AUTS2: variants seen among roughly 807,000 people sequenced by gnomAD.
The protein encoded by AUTS2 is autism susceptibility gene 2 protein.
In AUTS2, 17 loss-of-function variants were observed where a neutral mutation model predicts 112.4. The ratio of observed to expected loss-of-function variants is 0.15; its 90% CI spans 0.10 to 0.23. The LOEUF (loss-of-function observed/expected upper bound fraction) is 0.23. Among genes scored for constraint, AUTS2 ranks in the 10% least tolerant of loss-of-function variants. The probability of loss-of-function intolerance (pLI) is 1.00; values close to 1 mark genes in which losing one functional copy is unlikely to be tolerated. For missense variants in AUTS2, 1,510 were observed against 1,701.6 expected, an observed-to-expected ratio of 0.89 and a Z score of 1.98; for synonymous variants, 751 against 702.7, an observed-to-expected ratio of 1.07 and a Z score of -1.09.
At chr7:70,249,918 TTA>T (rs1455714072) in intron 4 of AUTS2, among the ~76,000 whole-genome samples, 1 of 148,376 alleles carries the variant, frequency 6.7e-6, no homozygotes, top group African/African-American at 2.4e-5. Context: ...AAATTTTATT[TTA>T]CTTTTAAAAT....
intron 2 of AUTS2, among the ~76,000 whole-genome samples, chr7:69,926,971 T>C (rs1191558507): frequency 6.8e-6 from 1 of 146,846 alleles, no homozygotes; most frequent in Non-Finnish European, 1.5e-5. Flanking sequence ...ATATATTATA[T>C]ATATACAGTA....
At chr7:70,606,678 G>A (rs1167077248) in intron 5 of AUTS2, among the ~76,000 whole-genome samples, 3 of 151,938 alleles carry the variant, frequency 2.0e-5, no homozygotes, top group African/African-American at 7.3e-5. Flanking sequence ...CTCATCAAAA[G>A]TGGTGAAACC....
rs141474396 is a variant in AUTS2, at chr7:70,672,604, CT to C, written c.691-25956del. 2.7e-3 allele frequency among the ~76,000 whole-genome samples: 404 copies of C among 151,372 alleles called. 4 individuals carry two copies. The highest frequency in any genetic ancestry group is 9.2e-3 in the African/African-American group (379 of 41,244). ...AGGGTAGGACACATGATTTCTTTTT[CT>C]TTTTTTTTCTTTTTTTGAGACGGAA... On this transcript the variant is annotated intron_variant, in intron 5 of 18. Coordinates refer to ENST00000342771, the MANE Select transcript of AUTS2 (RefSeq NM_015570.4).
chr7:69,977,393 C>G (rs60919697), intron 2 of AUTS2, among the ~76,000 whole-genome samples: 5 of 151,996 alleles, frequency 3.3e-5, no homozygotes, highest in African/African-American at 1.2e-4. Flanking sequence ...TAACTTTGTT[C>G]TTTTTCTAAA....
chr7:70,763,743 TAAAGA>T (rs1404916569), intron 7 of AUTS2, among the ~76,000 whole-genome samples: 1 of 152,026 alleles, frequency 6.6e-6, no homozygotes, highest in Non-Finnish European at 1.5e-5. Flanking sequence ...GAAGAAGTGT[TAAAGA>T]AAACTCGTCT....
intron 2 of AUTS2, among the ~76,000 whole-genome samples, chr7:70,060,591 A>G (rs1023249023): frequency 2.0e-5 from 3 of 152,228 alleles, no homozygotes; most frequent in Non-Finnish European, 2.9e-5. Context: ...TGTAATGCAC[A>G]TTTTACAGAT....
intron 4 of AUTS2, among the ~76,000 whole-genome samples, chr7:70,303,439 T>TACACACAAACACACACACACACAC (rs1789333206): frequency 7.0e-6 from 1 of 143,184 alleles, no homozygotes; most frequent in Non-Finnish European, 1.5e-5. Context: ...CGCGCGCACA[T>TACACACAAACACACACACACACAC]ACACACACAC....
chr7:69,797,545 A>G (rs1789900033), intron 1 of AUTS2, among the ~76,000 whole-genome samples: 1 of 152,094 alleles, frequency 6.6e-6, no homozygotes, highest in South Asian at 2.1e-4. Context: ...AGGGAAATTG[A>G]CCTTGCCTGT....
intron 4 of AUTS2, among the ~76,000 whole-genome samples, chr7:70,334,624 C>G (rs1366781483): frequency 6.6e-6 from 1 of 152,158 alleles, no homozygotes; most frequent in African/African-American, 2.4e-5. Flanking sequence ...CCCAGTCAAA[C>G]TAGGAATTGT....
At chr7:70,700,880 C>T (rs764728552) in intron 6 of AUTS2, among the ~76,000 whole-genome samples, 5 of 152,216 alleles carry the variant, frequency 3.3e-5, no homozygotes, top group Non-Finnish European at 7.3e-5. Flanking sequence ...TGCAAGGCGG[C>T]CTGCCTGCCT....
At chr7:70,111,795 T>C (rs2129571505) in intron 2 of AUTS2, among the ~76,000 whole-genome samples, 1 of 152,262 alleles carries the variant, frequency 6.6e-6, no homozygotes, top group East Asian at 1.9e-4. Context: ...TGCTTAATTA[T>C]GGTTTTGAAA....
rs186896435 is a variant in AUTS2, at chr7:70,338,307, C to T, written c.661-97445C>T. On this transcript the variant is annotated intron_variant, in intron 4 of 18. Transcript: ENST00000342771. ...AGGGAAGGCAAACATGAAATATAGT[C>T]ATGGTTTTGATTGTCATGTGAATGC... Among the ~76,000 whole-genome samples the T allele has an allele frequency of 2.6e-5, 4 of 152,246 alleles. No individual in the cohort carries two copies. The East Asian group carries it at 5.8e-4, about 22-fold the overall frequency.
At position 70,694,210 on chromosome 7, in the gene AUTS2, G is replaced by A. The variant is rs1284704789; in HGVS notation, c.691-4359G>A. On this transcript the variant is annotated intron_variant, in intron 5 of 18. Transcript: ENST00000342771. The surrounding 1 kb of genome is among the most constrained non-coding windows in gnomAD (Gnocchi z 4.1). ...TCACTTGAGCTGTGAACCGGCGGGA[G>A]AGGCAGGCGCCCGCAAGCCGAGCGC... 2.9e-4 allele frequency: 43 copies of A among 149,736 alleles called. No homozygotes were observed. The highest frequency in any genetic ancestry group is 2.8e-3 in the Admixed American group (43 of 15,102). The allele number at this position is 149,736 out of a possible 1,614,324, so 9.3% of individuals were successfully genotyped here. A position where few individuals can be genotyped will look rare whatever the true frequency, so the allele number is the denominator to read the frequency against.
At chr7:70,663,485 T>C (rs1807179598) in intron 5 of AUTS2, among the ~76,000 whole-genome samples, 2 of 152,078 alleles carry the variant, frequency 1.3e-5, no homozygotes, top group African/African-American at 4.8e-5. Flanking sequence ...GACGTTGACT[T>C]CTCGTCCATC....
intron 2 of AUTS2, among the ~76,000 whole-genome samples, chr7:69,950,352 T>G (rs1196332975): frequency 6.6e-6 from 1 of 152,114 alleles, no homozygotes; most frequent in Non-Finnish European, 1.5e-5. Flanking sequence ...ATGTGGATGT[T>G]GGAGTTAGGT....
intron 1 of AUTS2, among the ~76,000 whole-genome samples, chr7:69,843,197 C>T (rs532128376): frequency 3.7e-4 from 56 of 152,194 alleles, no homozygotes; most frequent in South Asian, 2.1e-3. Context: ...TTCAGCTCTT[C>T]CAATGGACCT....
chr7:70,355,478 C>T (rs987912319), intron 4 of AUTS2, among the ~76,000 whole-genome samples: 1 of 152,160 alleles, frequency 6.6e-6, no homozygotes, highest in African/African-American at 2.4e-5. Context: ...GAGAGTGCCT[C>T]TCAGTTCCAG....
chr7:70,558,589 T>G (rs1186163725), intron 5 of AUTS2, among the ~76,000 whole-genome samples: 2 of 152,220 alleles, frequency 1.3e-5, no homozygotes, highest in Non-Finnish European at 2.9e-5. Context: ...GAGATTGCTC[T>G]TGATATAGTT....
chr7:69,735,508 A>G (rs1786989945), intron 1 of AUTS2, among the ~76,000 whole-genome samples: 1 of 152,146 alleles, frequency 6.6e-6, no homozygotes, highest in South Asian at 2.1e-4. Flanking sequence ...TAACCCATGA[A>G]ACTATTATTT....
Sources: gnomAD v4.1 joint callset for allele counts (sites outside exome capture counted in the v4.1 genomes callset) on GRCh38, gnomAD v4.1.1 for gene constraint, Gnocchi (gnomAD v3.1) non-coding constraint, MANE v1.5 for transcripts, NCBI Gene and HGNC (gene_info 2026-07-23, HGNC 2026-07-21) for gene names.